The following PHLPP2 variants were observed in gnomAD, a reference collection of about 807,000 sequenced individuals.
PHLPP2 encodes PH domain and leucine rich repeat protein phosphatase 2.
PHLPP2 carries 66 observed loss-of-function variants against 124.9 expected under a neutral mutation model. The ratio of observed to expected loss-of-function variants is 0.53; its 90% CI spans 0.43 to 0.65. The LOEUF is 0.65. Among genes scored for constraint, PHLPP2 ranks in the 30% least tolerant of loss-of-function variants. The pLI is 0.00. For synonymous variants in PHLPP2, 681 were observed against 624.7 expected (o/e 1.09, Z -1.34); for missense variants, 1,685 against 1,600.4 (o/e 1.05, Z -0.90).
chr16:71,656,601 C>A lies in PHLPP2; in HGVS notation c.2360G>T (p.Gly787Val). Residue 787 changes from glycine to valine, a missense_variant, in exon 16 of 19, where the codon GGA becomes GTA. Coordinates refer to ENST00000568954, the MANE Select transcript of PHLPP2 (RefSeq NM_015020.3). ...STVTSTFWSH[G>V]LAEMAGQRNK... ...TCTCTGCCCTGCCATCTCAGCCAGT[C>A]CATGGCTCCAGAAGGTTGACGTAAC... is the stretch of plus-strand genomic sequence containing the variant. 1 of 1,611,888 alleles carries A rather than the reference C, an allele frequency of 6.2e-7. No individual in the cohort carries two copies. Among genetic ancestry groups the A allele is most frequent in the South Asian group, 1.1e-5 (1 of 91,020 alleles).
intron 2 of PHLPP2, among the ~76,000 whole-genome samples, chr16:71,703,912 T>C (rs571199933): frequency 2.4e-4 from 36 of 152,278 alleles, no homozygotes; most frequent in Admixed American, 7.8e-4. Context: ...AATTTTAGAA[T>C]AAAAATAGAG....
chr16:71,651,348 AAAAG>A (rs1468842401), intron 18 of PHLPP2, among the ~76,000 whole-genome samples: 3 of 151,990 alleles, frequency 2.0e-5, no homozygotes, highest in Non-Finnish European at 4.4e-5. Context: ...CAAAAAAAAA[AAAAG>A]AAAAGAAAAA....
At chr16:71,681,261 C>T (rs1310182266) in intron 6 of PHLPP2, among the ~76,000 whole-genome samples, 1 of 152,044 alleles carries the variant, frequency 6.6e-6, no homozygotes, top group African/African-American at 2.4e-5. Context: ...CATGGAATAA[C>T]AAGTAGGTCA....
At chr16:71,711,848 A>C (rs1400716036) in intron 2 of PHLPP2, among the ~76,000 whole-genome samples, 2 of 152,366 alleles carry the variant, frequency 1.3e-5, no homozygotes, top group East Asian at 3.9e-4. Flanking sequence ...AACTGATCAT[A>C]AACAAGTAAC....
chr16:71,655,058 G>C (rs1224862271), intron 17 of PHLPP2, 182 bp downstream of exon 17: 11 of 546,326 alleles, frequency 2.0e-5, no homozygotes, highest in Non-Finnish European at 2.9e-5. Flanking sequence ...GACCCCCACA[G>C]GCTTTTGAAA....
intron 8 of PHLPP2, chr16:71,677,318 A>C (rs2044955659): frequency 6.5e-6 from 1 of 153,372 alleles, no homozygotes; most frequent in Non-Finnish European, 1.5e-5. Flanking sequence ...GTCAGTGAGT[A>C]GCAAAGCAGT....
intron 3 of PHLPP2, among the ~76,000 whole-genome samples, chr16:71,700,094 C>T (rs907043141): frequency 1.3e-5 from 2 of 152,170 alleles, no homozygotes; most frequent in East Asian, 3.9e-4. Flanking sequence ...AAATATCCTG[C>T]ATCAGTTTTA....
chr16:71,716,689 T>C lies in PHLPP2; in HGVS notation c.-6-1888A>G, dbSNP rs189701119. Reference sequence around the variant, plus strand: ...TCCAAACACACCAAGTACACCACAATTCTGTGGCCTGTCTGAAATGGCTTT... The same window carrying C: ...TCCAAACACACCAAGTACACCACAACTCTGTGGCCTGTCTGAAATGGCTTT... On this transcript the variant is annotated intron_variant, in intron 1 of 18. Coordinates refer to ENST00000568954, the MANE Select transcript of PHLPP2 (RefSeq NM_015020.3). 3.9e-5 allele frequency among the ~76,000 whole-genome samples: 6 copies of C among 152,286 alleles called. No individual in the cohort carries two copies. The East Asian group carries it at 1.2e-3, about 29-fold the overall frequency.
At chr16:71,721,316 T>C (rs1435652848) in intron 1 of PHLPP2, among the ~76,000 whole-genome samples, 4 of 149,718 alleles carry the variant, frequency 2.7e-5, no homozygotes, top group Non-Finnish European at 4.4e-5. Context: ...AAAAAAATAA[T>C]AACAATAATA....
Position 71,663,920 on chromosome 16 carries a change from T to A in PHLPP2, c.1964A>T (p.Gln655Leu). The A allele has an allele frequency of 6.2e-7, 1 of 1,613,834 alleles. No individual in the cohort carries two copies. ...HLRILHLANN[Q>L]LQTFPASKLN... ...TTACCTTGCAGGAAAGGTCTGTAAC[T>A]GATTGTTTGCAAGGTGCAAGATTCG... is the stretch of plus-strand genomic sequence containing the variant. The change falls in exon 13 of 19, where the codon CAG becomes CTG. Residue 655 changes from glutamine to leucine, a missense_variant. By Grantham distance (113) the Gln-to-Leu change is moderately radical. Transcript: ENST00000568954.
chr16:71,662,988 C>G (rs2044805327), intron 13 of PHLPP2, among the ~76,000 whole-genome samples: 1 of 152,192 alleles, frequency 6.6e-6, no homozygotes, highest in African/African-American at 2.4e-5. Flanking sequence ...TAGGTATAGC[C>G]TGGCTAACTA....
chr16:71,673,335 T>A (rs1161845542), intron 9 of PHLPP2, among the ~76,000 whole-genome samples: 2 of 152,184 alleles, frequency 1.3e-5, no homozygotes, highest in Admixed American at 1.3e-4. Context: ...GCCCCTGGGA[T>A]TTTTAGGCCT....
chr16:71,649,910 G>A lies in PHLPP2; in HGVS notation c.2952C>T (p.Asn984=). 2 of 1,614,190 alleles carry A rather than the reference G, an allele frequency of 1.2e-6. No individual in the cohort carries two copies. Among genetic ancestry groups the A allele is most frequent in the African/African-American group, 2.7e-5 (2 of 75,044 alleles). Residue 984 remains asparagine (N), a synonymous_variant, in exon 19 of 19, where the codon AAC becomes AAT. Transcript: ENST00000568954. ...TIQDELLILG[N]KALWEHLSYT... Reference sequence around the variant, plus strand: ...AGGACAAGTGTTCCCACAATGCTTTGTTTCCCAGAATCAGCAACTCATCTT... The same window carrying A: ...AGGACAAGTGTTCCCACAATGCTTTATTTCCCAGAATCAGCAACTCATCTT...
intron 1 of PHLPP2, among the ~76,000 whole-genome samples, chr16:71,722,819 G>A (rs1466297952): frequency 6.6e-6 from 1 of 152,076 alleles, no homozygotes; most frequent in African/African-American, 2.4e-5. Context: ...AAATTTCTCT[G>A]CAACTCTTTC....
chr16:71,658,913 C>G (rs1471794201), intron 13 of PHLPP2, 98 bp from the exon 14 acceptor site: 2 of 996,272 alleles, frequency 2.0e-6, no homozygotes, highest in African/African-American at 3.2e-5. Flanking sequence ...AAGGCCGACA[C>G]GGTCCACTGC....
At chr16:71,664,798 T>C (rs1009863756) in intron 12 of PHLPP2, among the ~76,000 whole-genome samples, 3 of 152,162 alleles carry the variant, frequency 2.0e-5, no homozygotes, top group Non-Finnish European at 4.4e-5. Flanking sequence ...AGCATCATTA[T>C]GTATTCAGCC....
intron 13 of PHLPP2, among the ~76,000 whole-genome samples, chr16:71,662,719 G>A (rs2145317204): frequency 6.6e-6 from 1 of 151,784 alleles, no homozygotes; most frequent in East Asian, 1.9e-4. Flanking sequence ...AGATTTTTCT[G>A]GTGTTAAATT....
chr16:71,720,328 G>A (rs925522539), intron 1 of PHLPP2, among the ~76,000 whole-genome samples: 4 of 151,536 alleles, frequency 2.6e-5, no homozygotes, highest in Admixed American at 2.6e-4. Flanking sequence ...ATGTTGGCCA[G>A]GCTGGTCTTG....
At chr16:71,680,818 A>G (rs2044990115) in intron 6 of PHLPP2, among the ~76,000 whole-genome samples, 1 of 152,202 alleles carries the variant, frequency 6.6e-6, no homozygotes, top group African/African-American at 2.4e-5. Context: ...ACAGCCCTCA[A>G]ACTGGACTAA....
Sources: allele counts gnomAD v4.1 joint callset (sites outside exome capture counted in the v4.1 genomes callset), GRCh38; gene constraint gnomAD v4.1.1; transcripts MANE v1.5; gene names NCBI Gene and HGNC (gene_info 2026-07-23, HGNC 2026-07-21).